The following HOXA5 variants were observed in gnomAD, a reference collection of about 807,000 sequenced individuals.
The protein encoded by HOXA5 is homeobox A5.
A neutral mutation model predicts 20.0 loss-of-function variants in HOXA5; 12 were observed. The ratio of observed to expected loss-of-function variants is 0.60; its 90% CI spans 0.38 to 0.97. HOXA5 has a LOEUF of 0.97. Among genes scored for constraint, HOXA5 ranks in the 50% least tolerant of loss-of-function variants. The pLI, the probability that HOXA5 is intolerant of heterozygous loss-of-function variation, is 0.00. For missense variants in HOXA5, 352 were observed against 380.3 expected (o/e 0.93, Z 0.62); for synonymous variants, 159 against 157.7 (o/e 1.01, Z -0.06).
chr7:27,141,594 G>A lies in HOXA5; in HGVS notation c.*241C>T. On this transcript the variant is annotated 3_prime_UTR_variant, in exon 2 of 2. Transcript: ENST00000222726. ...AACACAGCTTGCTTCATATAAATAA[G>A]TTAAAACATCTATTTTTTTTCAAGA... 1 of 390,572 alleles carries A rather than the reference G, an allele frequency of 2.6e-6. No individual in the cohort carries two copies. The allele number at this position is 390,572 out of a possible 1,614,324, so 24.2% of individuals were successfully genotyped here.
chr7:27,141,535 T>TC lies in HOXA5; in HGVS notation c.*299dup, dbSNP rs397733321. ...GGGGGACTTTTTGTGTGTTTTTTTTTCTCTTTTCTTTTTTTGTTATAGTTA... is the reference window on the plus strand; with the variant it reads ...GGGGGACTTTTTGTGTGTTTTTTTTTCCTCTTTTCTTTTTTTGTTATAGTTA... On this transcript the variant is annotated 3_prime_UTR_variant, in exon 2 of 2. Coordinates refer to ENST00000222726, the MANE Select transcript of HOXA5 (RefSeq NM_019102.4). 3 of 259,708 alleles carry TC rather than the reference T, an allele frequency of 1.2e-5. No homozygotes were observed. The highest frequency in any genetic ancestry group is 6.8e-5 in the African/African-American group (3 of 44,270). 16.1% of individuals were successfully genotyped at this position (259,708 alleles called of 1,614,324 possible).
rs1027345422 is a variant in HOXA5 at position 27,143,035 on chromosome 7, G to C, written c.562+11C>G. The C allele has an allele frequency of 4.0e-6, 6 of 1,500,818 alleles. No individual in the cohort carries two copies. Among genetic ancestry groups the C allele is most frequent in the Non-Finnish European group, 5.3e-6 (6 of 1,129,292 alleles). 93.0% of individuals were successfully genotyped at this position (1,500,818 alleles called of 1,614,324 possible). A position where few individuals can be genotyped will look rare whatever the true frequency, so the allele number is the denominator to read the frequency against. The stretch of plus-strand genomic sequence containing the variant: ...CGCGGTCGCGTGGATTTAGAAAAAG[G>C]CTGGCTTTACCATGACTTATGTGCA... On this transcript the variant is annotated intron_variant, in intron 1 of 1. Transcript: ENST00000222726.
chr7:27,143,209 G>T lies in HOXA5; in HGVS notation c.399C>A (p.Gly133=), dbSNP rs1054035547. ...CCTCTCTGCTGCTGATGTGGGTGCT[G>T]CCGGCGTCGGCCGAGGCGCCGCTGG... ...SNSSGASADA[G]STHISSREGV... Residue 133 remains glycine (G), a synonymous_variant, in exon 1 of 2, where the codon GGC becomes GGA. Coordinates refer to ENST00000222726, the MANE Select transcript of HOXA5 (RefSeq NM_019102.4). 1.2e-6 allele frequency: 2 copies of T among 1,610,410 alleles called. No homozygotes were observed. The highest frequency in any genetic ancestry group is 1.7e-6 in the Non-Finnish European group (2 of 1,178,944).
rs1203689148 is a variant in HOXA5 at position 27,141,659 on chromosome 7, C to A, written c.*176G>T. 2.6e-5 allele frequency: 18 copies of A among 681,482 alleles called. No homozygotes were observed. The highest frequency in any genetic ancestry group is 4.3e-5 in the Non-Finnish European group (18 of 423,084). 42.2% of individuals were successfully genotyped at this position (681,482 alleles called of 1,614,324 possible). A position where few individuals can be genotyped will look rare whatever the true frequency, so the allele number is the denominator to read the frequency against. On this transcript the variant is annotated 3_prime_UTR_variant, in exon 2 of 2. Coordinates refer to ENST00000222726, the MANE Select transcript of HOXA5 (RefSeq NM_019102.4). ...ACAAAGAGATGAACAGAAAGCAGAT[C>A]TACTTATACAGGCGCTATAATGGCA...
At position 27,143,221 on chromosome 7, in the gene HOXA5, C is replaced by T. The variant is rs2128060672; in HGVS notation, c.387G>A (p.Ser129=). 1 of 1,610,166 alleles carries T rather than the reference C, an allele frequency of 6.2e-7. No individual in the cohort carries two copies. Among genetic ancestry groups the T allele is most frequent in the East Asian group, 2.2e-5 (1 of 44,808 alleles). ...KNSLSNSSGA[S]ADAGSTHISS... ...TGATGTGGGTGCTGCCGGCGTCGGC[C>T]GAGGCGCCGCTGGAGTTGCTTAGGG... is the stretch of plus-strand genomic sequence containing the variant. The change falls in exon 1 of 2, where the codon TCG becomes TCA. Residue 129 remains serine, a synonymous_variant. Transcript: ENST00000222726.
At chr7:27,142,114 A>G in intron 1 of HOXA5, 29 bp from the exon 2 acceptor site, 1 of 1,602,418 alleles carries the variant, frequency 6.2e-7, no homozygotes, top group East Asian at 2.2e-5. Context: ...CGGTTTAGCC[A>G]CCAACTCCTG....
intron 1 of HOXA5, chr7:27,142,704 G>T: frequency 6.5e-6 from 2 of 306,038 alleles, no homozygotes; most frequent in Non-Finnish European, 1.2e-5. Context: ...CCCGATTCAC[G>T]GCTGCTACAG....
At position 27,143,235 on chromosome 7, in the gene HOXA5, A is replaced by G; in HGVS notation, c.373T>C (p.Ser125Pro). ...CCGGCGTCGGCCGAGGCGCCGCTGG[A>G]GTTGCTTAGGGAGTTTTTCCCGCCG... ...HHGGKNSLSN[S>P]SGASADAGST... Residue 125 changes from serine to proline, a missense_variant, in exon 1 of 2, where the codon TCC (serine) becomes CCC (proline). Coordinates refer to ENST00000222726, the MANE Select transcript of HOXA5 (RefSeq NM_019102.4). 2 of 1,609,416 alleles carry G rather than the reference A, an allele frequency of 1.2e-6. No homozygotes were observed. Among genetic ancestry groups the G allele is most frequent in the Non-Finnish European group, 1.7e-6 (2 of 1,178,934 alleles).
At chr7:27,142,254 A>G (rs1160230351) in intron 1 of HOXA5, among the ~76,000 whole-genome samples, 169 bp from the exon 2 acceptor site, 1 of 152,234 alleles carries the variant, frequency 6.6e-6, no homozygotes, top group Non-Finnish European at 1.5e-5. Context: ...TCTAGAAAGA[A>G]AACAATACGA....
Position 27,143,096 on chromosome 7 carries a change from G to T in HOXA5, c.512C>A (p.Pro171His). 1 of 1,563,554 alleles carries T rather than the reference G, an allele frequency of 6.4e-7. No individual in the cohort carries two copies. The highest frequency in any genetic ancestry group is 1.4e-5 in the African/African-American group (1 of 71,614). The change falls in exon 1 of 2, where the codon CCC (proline) becomes CAC (histidine). Residue 171 changes from proline (P) to histidine (H), a missense_variant. This residue lies in a region of HOXA5 where 319 missense variants were observed against 336.5 expected (regional missense o/e 0.95). Coordinates refer to ENST00000222726, the MANE Select transcript of HOXA5 (RefSeq NM_019102.4). ...SAQSEPSPAPPAQPQIYPWMR... is the reference protein window; with the variant it reads ...SAQSEPSPAPHAQPQIYPWMR... ...CCAGGGGTAGATCTGGGGTTGGGCG[G>T]GCGGCGCCGGGCTCGGCTCGCTCTG...
At position 27,143,657 on chromosome 7, in the gene HOXA5, T is replaced by A. The variant is rs757975879; in HGVS notation, c.-50A>T. ...TTTGTGGCTCGCGGTCGTTTGTGCG[T>A]CTATAGCACCCTTGCACAATTTATG... On this transcript the variant is annotated 5_prime_UTR_variant, in exon 1 of 2. Transcript: ENST00000222726. The A allele has an allele frequency of 6.5e-6, 10 of 1,546,546 alleles. No individual in the cohort carries two copies. The highest frequency in any genetic ancestry group is 1.4e-5 in the African/African-American group (1 of 72,400).
Position 27,143,628 on chromosome 7 carries a change from T to C in HOXA5, c.-21A>G, listed in dbSNP as rs1372236271. On this transcript the variant is annotated 5_prime_UTR_variant, in exon 1 of 2. Transcript: ENST00000222726. The stretch of plus-strand genomic sequence containing the variant: ...CTCATTTGTTTTTTGATATGTGTGC[T>C]TGATTTGTGGCTCGCGGTCGTTTGT... 43 of 1,573,044 alleles carry C rather than the reference T, an allele frequency of 2.7e-5. No individual in the cohort carries two copies. Among genetic ancestry groups the C allele is most frequent in the Non-Finnish European group, 3.5e-5 (40 of 1,157,576 alleles).
In HOXA5 at chr7:27,141,604, C is replaced by T; in HGVS notation, c.*231G>A. On this transcript the variant is annotated 3_prime_UTR_variant, in exon 2 of 2. Transcript: ENST00000222726. ...GCTTCATATAAATAAGTTAAAACATCTATTTTTTTTCAAGACAAAGCCATT... is the reference window on the plus strand; with the variant it reads ...GCTTCATATAAATAAGTTAAAACATTTATTTTTTTTCAAGACAAAGCCATT... 1 of 408,380 alleles carries T rather than the reference C, an allele frequency of 2.4e-6. No homozygotes were observed. The highest frequency in any genetic ancestry group is 5.9e-5 in the South Asian group (1 of 16,950). 25.3% of individuals were successfully genotyped at this position (408,380 alleles called of 1,614,324 possible). A position where few individuals can be genotyped will look rare whatever the true frequency, so the allele number is the denominator to read the frequency against.
intron 1 of HOXA5, 99 bp downstream of exon 1, chr7:27,142,947 T>G: frequency 1.8e-5 from 21 of 1,142,302 alleles, no homozygotes; most frequent in East Asian, 2.6e-5. Context: ...CTGGGAGAAA[T>G]GAGACCAAGA....
In HOXA5 at chr7:27,141,254, G is replaced by T. The variant is rs1158410216; in HGVS notation, c.*581C>A. ...AGCCACTTCCAGAGTTCGTGCAAAG[G>T]GTCCTATAAAGGCACGCAGGGACAC... On this transcript the variant is annotated 3_prime_UTR_variant, in exon 2 of 2. Coordinates refer to ENST00000222726, the MANE Select transcript of HOXA5 (RefSeq NM_019102.4). The T allele has an allele frequency of 6.6e-6, 1 of 152,422 alleles. No individual in the cohort carries two copies. The highest frequency in any genetic ancestry group is 1.5e-5 in the Non-Finnish European group (1 of 68,112). 9.4% of individuals were successfully genotyped at this position (152,422 alleles called of 1,614,324 possible). A position where few individuals can be genotyped will look rare whatever the true frequency, so the allele number is the denominator to read the frequency against.
Position 27,143,137 on chromosome 7 carries a change from G to A in HOXA5, c.471C>T (p.Ser157=), listed in dbSNP as rs1312372357. Residue 157 remains serine, a synonymous_variant, in exon 1 of 2, where the codon AGC becomes AGT. Coordinates refer to ENST00000222726, the MANE Select transcript of HOXA5 (RefSeq NM_019102.4). The part of the protein sequence containing the change: ...SGAEEDAPAS[S]EQASAQSEPS... ...GCTCGCTCTGCGCACTCGCCTGCTCGCTGCTGGCAGGGGCGTCCTCCTCGG... is the reference window on the plus strand; with the variant it reads ...GCTCGCTCTGCGCACTCGCCTGCTCACTGCTGGCAGGGGCGTCCTCCTCGG... 1.9e-6 allele frequency: 3 copies of A among 1,608,028 alleles called. No individual in the cohort carries two copies. The highest frequency in any genetic ancestry group is 1.3e-5 in the African/African-American group (1 of 74,234).
At position 27,143,141 on chromosome 7, in the gene HOXA5, C is replaced by G; in HGVS notation, c.467G>C (p.Ser156Thr). The G allele has an allele frequency of 1.2e-6, 2 of 1,608,488 alleles. No individual in the cohort carries two copies. Among genetic ancestry groups the G allele is most frequent in the Non-Finnish European group, 1.7e-6 (2 of 1,178,288 alleles). Residue 156 changes from serine (S) to threonine (T), a missense_variant, in exon 1 of 2, where the codon AGC becomes ACC. Physicochemically the swap from Ser to Thr is moderately conservative, Grantham distance 58. Coordinates refer to ENST00000222726, the MANE Select transcript of HOXA5 (RefSeq NM_019102.4). ...GCTCTGCGCACTCGCCTGCTCGCTG[C>G]TGGCAGGGGCGTCCTCCTCGGCTCC... ...ASGAEEDAPA[S>T]SEQASAQSEP... is the part of the protein sequence containing the mutation.
At position 27,141,254 on chromosome 7, in the gene HOXA5, G is replaced by C. The variant is rs1158410216; in HGVS notation, c.*581C>G. The C allele has an allele frequency of 6.6e-6, 1 of 152,422 alleles. No homozygotes were observed. The highest frequency in any genetic ancestry group is 1.5e-5 in the Non-Finnish European group (1 of 68,112). The allele number at this position is 152,422 out of a possible 1,614,324, so 9.4% of individuals were successfully genotyped here. A position where few individuals can be genotyped will look rare whatever the true frequency, so the allele number is the denominator to read the frequency against. ...AGCCACTTCCAGAGTTCGTGCAAAG[G>C]GTCCTATAAAGGCACGCAGGGACAC... On this transcript the variant is annotated 3_prime_UTR_variant, in exon 2 of 2. Transcript: ENST00000222726.
In HOXA5 at chr7:27,143,012, C is replaced by T. The variant is rs745901959; in HGVS notation, c.562+34G>A. 3.4e-6 allele frequency: 5 copies of T among 1,489,968 alleles called. No individual in the cohort carries two copies. The African/African-American group carries it at 4.4e-5, about 13-fold the overall frequency. The allele number at this position is 1,489,968 out of a possible 1,614,324, so 92.3% of individuals were successfully genotyped here. ...GGGGGGACCGAGAGCCGCGTCCCCG[C>T]GGTCGCGTGGATTTAGAAAAAGGCT... On this transcript the variant is annotated intron_variant, in intron 1 of 1. Coordinates refer to ENST00000222726, the MANE Select transcript of HOXA5 (RefSeq NM_019102.4).
Sources: gnomAD v4.1 joint callset for allele counts (sites outside exome capture counted in the v4.1 genomes callset) on GRCh38, gnomAD v4.1.1 for gene constraint, gnomAD v4.1.1 regional missense constraint, MANE v1.5 for transcripts, NCBI Gene and HGNC (gene_info 2026-07-23, HGNC 2026-07-21) for gene names.